Variants in POLR3D observed in about 807,000 individuals in gnomAD.
POLR3D encodes RNA polymerase III subunit D, also known as DNA-directed RNA polymerase III subunit RPC4.
In POLR3D, 42 loss-of-function variants were observed where a neutral mutation model predicts 44.5. That is an observed-to-expected ratio of 0.94 (90% confidence interval 0.74 to 1.22). The LOEUF (loss-of-function observed/expected upper bound fraction) is 1.22, where lower values mean the gene tolerates loss of function less well. Among genes scored for constraint, POLR3D ranks in the 50% most tolerant of loss-of-function variants. POLR3D has a pLI of 0.00. For synonymous variants in POLR3D, 217 were observed against 198.1 expected (o/e 1.10, Z -0.80); for missense variants, 507 against 505.2 (o/e 1.00, Z -0.03).
In POLR3D at chr8:22,245,182, A is replaced by T. The variant is rs1830024615; in HGVS notation, c.-7A>T. ...GAAGGCTGGCGGCTGGTCGCGTTGC[A>T]GGTGAGGTTGTGACGCGCGGTGTGG... On this transcript the variant is annotated splice_region_variant and 5_prime_UTR_variant, in exon 1 of 9. Coordinates refer to ENST00000306433, the MANE Select transcript of POLR3D (RefSeq NM_001722.3). 1.7e-6 allele frequency: 1 copy of T among 580,562 alleles called. No homozygotes were observed. Among genetic ancestry groups the T allele is most frequent in the Non-Finnish European group, 3.2e-6 (1 of 312,000 alleles). The allele number at this position is 580,562 out of a possible 1,614,324, so 36.0% of individuals were successfully genotyped here.
chr8:22,247,660 G>A (rs919693823), intron 3 of POLR3D, among the ~76,000 whole-genome samples, 197 bp from the exon 4 acceptor site: 3 of 152,192 alleles, frequency 2.0e-5, no homozygotes, highest in African/African-American at 7.2e-5. Context: ...AGAAGGTAAA[G>A]TAAAGCAAAC....
At chr8:22,248,693 C>T (rs747077974) in intron 6 of POLR3D, 44 bp downstream of exon 6, 4 of 1,559,318 alleles carry the variant, frequency 2.6e-6, no homozygotes, top group Non-Finnish European at 3.5e-6. Flanking sequence ...CATGGCTGCT[C>T]CCCAGGAATC....
rs150842696 is a variant in POLR3D at position 22,250,210 on chromosome 8, G to C, written c.1057G>C (p.Ala353Pro). 1 of 1,614,176 alleles carries C rather than the reference G, an allele frequency of 6.2e-7. No homozygotes were observed. The highest frequency in any genetic ancestry group is 1.3e-5 in the African/African-American group (1 of 75,030). Residue 353 changes from alanine to proline, a missense_variant, in exon 8 of 9, where the codon GCC (alanine) becomes CCC (proline). Transcript: ENST00000306433. ...KVTLDVTMGT[A>P]CSFLQELVSV... ...GACTCTGGACGTGACCATGGGAACT[G>C]CCTGCTCCTTCCTGCAGGTAAGAGC... is the stretch of plus-strand genomic sequence containing the variant.
rs1326514982 is a variant in POLR3D at position 22,253,039 on chromosome 8, A to G, written c.*2521A>G. ...CAGACAGATAACTGCCTATAACAGG[A>G]TGTGATCAGCACAAGTAACAGAAAA... On this transcript the variant is annotated 3_prime_UTR_variant, in exon 9 of 9. Transcript: ENST00000306433. 6.6e-6 allele frequency: 1 copy of G among 152,206 alleles called. No homozygotes were observed. The highest frequency in any genetic ancestry group is 1.5e-5 in the Non-Finnish European group (1 of 68,032). 9.4% of individuals were successfully genotyped at this position (152,206 alleles called of 1,614,324 possible).
In POLR3D at chr8:22,250,118, CAG is replaced by C. The variant is rs764509609; in HGVS notation, c.968_969del (p.Glu323GlyfsTer46). On this transcript the variant is annotated frameshift_variant, in exon 8 of 9. Transcript: ENST00000306433. LOFTEE classifies it high-confidence loss of function. The stretch of plus-strand genomic sequence containing the variant: ...AATGCTTGTACCCTGGCTGACCTGA[CAG>C]AGGGTCAGGTTGGCAAGCTACTCAT... The C allele has an allele frequency of 1.4e-4, 227 of 1,614,024 alleles. No individual in the cohort carries two copies. Among genetic ancestry groups the C allele is most frequent in the Non-Finnish European group, 1.9e-4 (224 of 1,180,026 alleles).
In POLR3D at chr8:22,253,382, C is replaced by T. The variant is rs183970885; in HGVS notation, c.*2864C>T. 2.6e-5 allele frequency: 4 copies of T among 152,326 alleles called. No individual in the cohort carries two copies. The East Asian group carries it at 7.7e-4, about 29-fold the overall frequency. 9.4% of individuals were successfully genotyped at this position (152,326 alleles called of 1,614,324 possible). ...TGGGGCCACGTGCCCACTCTTGGAC[C>T]AGGCCCTGGCAAAGGGGGATGGGTC... On this transcript the variant is annotated 3_prime_UTR_variant, in exon 9 of 9. Transcript: ENST00000306433.
rs1830123064 is a variant in POLR3D at position 22,253,663 on chromosome 8, C to T, written c.*3145C>T. 6.6e-6 allele frequency: 1 copy of T among 152,082 alleles called. No homozygotes were observed. Among genetic ancestry groups the T allele is most frequent in the South Asian group, 2.1e-4 (1 of 4,830 alleles). The allele number at this position is 152,082 out of a possible 1,614,324, so 9.4% of individuals were successfully genotyped here. ...ATTTTAGATTCAGCAGGTACATGAG[C>T]ATGTTAGTTTTGTTTTGTTTTGTTT... On this transcript the variant is annotated 3_prime_UTR_variant, in exon 9 of 9. Transcript: ENST00000306433.
intron 1 of POLR3D, 111 bp downstream of exon 1, chr8:22,245,294 G>A: frequency 1.9e-6 from 1 of 529,540 alleles, no homozygotes; most frequent in South Asian, 3.4e-5. Flanking sequence ...TCACCTGGGT[G>A]GTCCCGGGAG....
chr8:22,249,194 T>G lies in POLR3D; in HGVS notation c.806T>G (p.Leu269Arg). The change falls in exon 7 of 9, where the codon CTG becomes CGG. Residue 269 changes from leucine (L) to arginine (R), a missense_variant. By Grantham distance (102) the Leu-to-Arg change is moderately radical. Coordinates refer to ENST00000306433, the MANE Select transcript of POLR3D (RefSeq NM_001722.3). ...ACCAAGGAAGAGGAACTGCTGTTTCTGCAGCTGCCAGACACCCTCCCTGGC... is the reference window on the plus strand; with the variant it reads ...ACCAAGGAAGAGGAACTGCTGTTTCGGCAGCTGCCAGACACCCTCCCTGGC... ...SLTKEEELLF[L>R]QLPDTLPGQP... is the part of the protein sequence containing the mutation. The G allele has an allele frequency of 6.2e-7, 1 of 1,614,078 alleles. No homozygotes were observed. The highest frequency in any genetic ancestry group is 8.5e-7 in the Non-Finnish European group (1 of 1,179,996).
intron 2 of POLR3D, 64 bp from the exon 3 acceptor site, chr8:22,247,157 T>G: frequency 7.6e-7 from 1 of 1,313,638 alleles, no homozygotes; most frequent in Non-Finnish European, 1.1e-6. Context: ...TGGGAATTTT[T>G]ATTTTCCTCT....
chr8:22,249,910 T>C (rs1830085949), intron 7 of POLR3D, among the ~76,000 whole-genome samples, 165 bp from the exon 8 acceptor site: 1 of 152,158 alleles, frequency 6.6e-6, no homozygotes, highest in South Asian at 2.1e-4. Flanking sequence ...TTGTTTGCTG[T>C]GGGTTTTGTA....
rs1027225761 is a variant in POLR3D at position 22,252,123 on chromosome 8, C to A, written c.*1605C>A. ...GTGAGGCTGACTGAATATTTGGTGA[C>A]CATATCACCCTTTCTGGTGCTGAAG... is the stretch of plus-strand genomic sequence containing the variant. On this transcript the variant is annotated 3_prime_UTR_variant, in exon 9 of 9. Coordinates refer to ENST00000306433, the MANE Select transcript of POLR3D (RefSeq NM_001722.3). The A allele has an allele frequency of 6.5e-6, 1 of 153,812 alleles. No homozygotes were observed. Among genetic ancestry groups the A allele is most frequent in the African/African-American group, 2.4e-5 (1 of 41,464 alleles). 9.5% of individuals were successfully genotyped at this position (153,812 alleles called of 1,614,324 possible).
In POLR3D at chr8:22,252,891, G is replaced by GA. The variant is rs1486007325; in HGVS notation, c.*2379dup. 2 of 152,128 alleles carry GA rather than the reference G, an allele frequency of 1.3e-5. No individual in the cohort carries two copies. The highest frequency in any genetic ancestry group is 2.9e-5 in the Non-Finnish European group (2 of 68,024). 9.4% of individuals were successfully genotyped at this position (152,128 alleles called of 1,614,324 possible). ...CTGACTCCACCAGTAACTTTGGTTG[G>GA]AAAAAATCACTTATCCTCTTTAAGC... On this transcript the variant is annotated 3_prime_UTR_variant, in exon 9 of 9. Coordinates refer to ENST00000306433, the MANE Select transcript of POLR3D (RefSeq NM_001722.3).
At chr8:22,245,809 C>T (rs1158223625) in intron 2 of POLR3D, among the ~76,000 whole-genome samples, 195 bp downstream of exon 2, 4 of 152,188 alleles carry the variant, frequency 2.6e-5, no homozygotes, top group African/African-American at 9.7e-5. Context: ...AAATGACTCC[C>T]AGAGGTGGTT....
At chr8:22,246,643 A>G (rs2131947738) in intron 2 of POLR3D, among the ~76,000 whole-genome samples, 1 of 148,522 alleles carries the variant, frequency 6.7e-6, no homozygotes, top group Middle Eastern at 3.7e-3. Flanking sequence ...GACGGGTTTC[A>G]CCATCTTGGC....
intron 2 of POLR3D, among the ~76,000 whole-genome samples, chr8:22,246,363 T>C (rs945858645): frequency 8.5e-5 from 13 of 152,194 alleles, no homozygotes; most frequent in African/African-American, 2.6e-4. Context: ...CCTGACCTCG[T>C]GATCCGCCCG....
rs1830085790 is a variant in POLR3D at position 22,249,892 on chromosome 8, G to A, written c.922-183G>A. Among the ~76,000 whole-genome samples, 3 of 152,196 alleles carry A rather than the reference G, an allele frequency of 2.0e-5. No individual in the cohort carries two copies. In the South Asian group the frequency reaches 6.2e-4, roughly 32 times the overall value. ...CAGCAGTAACTGATATTTTGTCCGTGTATGTATTTGTTTGCTGTGGGTTTT... is the reference window on the plus strand; with the variant it reads ...CAGCAGTAACTGATATTTTGTCCGTATATGTATTTGTTTGCTGTGGGTTTT... On this transcript the variant is annotated intron_variant, in intron 7 of 8. Coordinates refer to ENST00000306433, the MANE Select transcript of POLR3D (RefSeq NM_001722.3).
intron 7 of POLR3D, 39 bp downstream of exon 7, chr8:22,249,348 A>G: frequency 6.2e-7 from 1 of 1,602,614 alleles, no homozygotes; most frequent in Non-Finnish European, 8.5e-7. Context: ...CAAGTCGGGG[A>G]CTGGGACGGG....
At position 22,252,518 on chromosome 8, in the gene POLR3D, T is replaced by TTCGCCCATTCAGATAA. The variant is rs1563322499; in HGVS notation, c.*2000_*2001insTCGCCCATTCAGATAA. On this transcript the variant is annotated 3_prime_UTR_variant, in exon 9 of 9. Coordinates refer to ENST00000306433, the MANE Select transcript of POLR3D (RefSeq NM_001722.3). ...GTTCATTTCGCCCATTCAGATGTCT[T>TTCGCCCATTCAGATAA]GGCTTGAACCTTATGACTCCGTATC... The TTCGCCCATTCAGATAA allele has an allele frequency of 6.6e-6, 1 of 152,236 alleles. No individual in the cohort carries two copies. The highest frequency in any genetic ancestry group is 1.5e-5 in the Non-Finnish European group (1 of 68,042). 9.4% of individuals were successfully genotyped at this position (152,236 alleles called of 1,614,324 possible). A position where few individuals can be genotyped will look rare whatever the true frequency, so the allele number is the denominator to read the frequency against.
Sources: allele counts gnomAD v4.1 joint callset (sites outside exome capture counted in the v4.1 genomes callset), GRCh38; gene constraint gnomAD v4.1.1; transcripts MANE v1.5; gene names NCBI Gene and HGNC (gene_info 2026-07-23, HGNC 2026-07-21).